Variants in RABL6 observed in about 807,000 individuals in gnomAD.
RABL6 encodes the protein rab-like protein 6.
RABL6 carries 28 observed loss-of-function variants against 72.9 expected under a neutral mutation model. The ratio of observed to expected loss-of-function variants is 0.38; its 90% CI spans 0.28 to 0.53. RABL6 has a LOEUF of 0.53. Ranked by LOEUF, RABL6 falls within the 20% of genes least tolerant of loss-of-function variation. RABL6 has a pLI of 0.80. For missense variants in RABL6, 1,029 were observed against 1,008.4 expected (o/e 1.02, Z -0.28); for synonymous variants, 477 against 421.2 (o/e 1.13, Z -1.62).
intron 9 of RABL6, 98 bp from the exon 10 acceptor site, chr9:136,837,764 C>T (rs754206607): frequency 5.2e-5 from 80 of 1,542,040 alleles, no homozygotes; most frequent in Non-Finnish European, 6.7e-5. Context: ...CCTGCTTGTC[C>T]CAGTCCCGTG....
intron 1 of RABL6, chr9:136,822,033 GAGA>G (rs1848248403): frequency 7.8e-6 from 10 of 1,289,624 alleles, no homozygotes; most frequent in African/African-American, 1.5e-5. Flanking sequence ...AGCTTCAGGG[GAGA>G]AGAAATGACT....
chr9:136,808,034 G>A lies in RABL6; in HGVS notation c.-163G>A, dbSNP rs1588340025. 9.5e-7 allele frequency: 1 copy of A among 1,053,040 alleles called. No homozygotes were observed. Among genetic ancestry groups the A allele is most frequent in the East Asian group, 7.4e-5 (1 of 13,548 alleles). 65.2% of individuals were successfully genotyped at this position (1,053,040 alleles called of 1,614,324 possible). On this transcript the variant is annotated 5_prime_UTR_variant, in exon 1 of 15. Coordinates refer to ENST00000311502, the MANE Select transcript of RABL6 (RefSeq NM_024718.5). ...CAGCCGCGGCTGAGGTTCCCGAGTCGCCGCTCGGGGCTGCGCTCCGCCGCC... is the reference window on the plus strand; with the variant it reads ...CAGCCGCGGCTGAGGTTCCCGAGTCACCGCTCGGGGCTGCGCTCCGCCGCC...
rs565750450 is a variant in RABL6 at position 136,822,155 on chromosome 9, C to T, written c.131-1370C>T. 6.7e-6 allele frequency: 8 copies of T among 1,194,742 alleles called. 1 individual carries two copies. The South Asian group carries it at 9.7e-5, about 14-fold the overall frequency. The allele number at this position is 1,194,742 out of a possible 1,614,324, so 74.0% of individuals were successfully genotyped here. Reference sequence around the variant, plus strand: ...CCTCAGAGCTTCGAGGCCGGGCGCCCTCTGCGTTGGGAGCTTGGGGTCCCC... The same window carrying T: ...CCTCAGAGCTTCGAGGCCGGGCGCCTTCTGCGTTGGGAGCTTGGGGTCCCC... On this transcript the variant is annotated intron_variant, in intron 1 of 14. Coordinates refer to ENST00000311502, the MANE Select transcript of RABL6 (RefSeq NM_024718.5).
intron 8 of RABL6, chr9:136,837,144 G>A (rs1332837832): frequency 2.8e-6 from 2 of 717,972 alleles, no homozygotes; most frequent in South Asian, 3.0e-5. Flanking sequence ...TACAGTGCTG[G>A]GATTACAGGC....
rs1332533485 is a variant in RABL6, at chr9:136,826,119, G to A, written c.313+293G>A. Among the ~76,000 whole-genome samples, 2 of 152,180 alleles carry A rather than the reference G, an allele frequency of 1.3e-5. No homozygotes were observed. Among genetic ancestry groups the A allele is most frequent in the Non-Finnish European group, 2.9e-5 (2 of 68,012 alleles). ...TGTGCTTTGAGCCCCAAGGCCCAGG[G>A]TGCTATTTTGGGAGCCCTCCTCCTG... On this transcript the variant is annotated intron_variant, in intron 3 of 14. Coordinates refer to ENST00000311502, the MANE Select transcript of RABL6 (RefSeq NM_024718.5). This position sits in a 1 kb window ranked among gnomAD's most constrained non-coding sequence, Gnocchi z 4.9.
chr9:136,817,382 T>C (rs952267409), intron 1 of RABL6, among the ~76,000 whole-genome samples: 1 of 152,108 alleles, frequency 6.6e-6, no homozygotes, highest in African/African-American at 2.4e-5. Flanking sequence ...CATTGGAAAT[T>C]TTCAAAACAT....
intron 1 of RABL6, chr9:136,809,626 A>G (rs1847960888): frequency 6.3e-6 from 1 of 158,586 alleles, no homozygotes; most frequent in African/African-American, 2.4e-5. Context: ...AATACGAAAA[A>G]AAAATTTAAA....
At position 136,832,328 on chromosome 9, in the gene RABL6, G is replaced by A. The variant is rs1466896079; in HGVS notation, c.663G>A (p.Lys221=). 11 of 1,613,818 alleles carry A rather than the reference G, an allele frequency of 6.8e-6. No individual in the cohort carries two copies. Among genetic ancestry groups the A allele is most frequent in the Non-Finnish European group, 9.3e-6 (11 of 1,179,846 alleles). ...ESSMKNSFGL[K]YLHKFFNIPF... is the part of the protein sequence containing the mutation. ...CCATGAAGAACAGCTTCGGCCTAAAGTACCTTCATAAGTTCTTCAATATCC... is the reference window on the plus strand; with the variant it reads ...CCATGAAGAACAGCTTCGGCCTAAAATACCTTCATAAGTTCTTCAATATCC... The change falls in exon 7 of 15, where the codon AAG becomes AAA. Residue 221 remains lysine (K), a synonymous_variant. Transcript: ENST00000311502.
chr9:136,839,009 C>G lies in RABL6; in HGVS notation c.1381C>G (p.Pro461Ala). ...PRGSPPLPAG[P>A]VPSQDITLSS... ...TGGGAGTCCCCCGCTGCCTGCAGGC[C>G]CCGTCCCCAGTCAAGACATCACTCT... is the stretch of plus-strand genomic sequence containing the variant. The change falls in exon 11 of 15, where the codon CCC becomes GCC. Residue 461 changes from proline to alanine, a missense_variant. Physicochemically the swap from Pro to Ala is conservative, Grantham distance 27. Coordinates refer to ENST00000311502, the MANE Select transcript of RABL6 (RefSeq NM_024718.5). The G allele has an allele frequency of 6.2e-7, 1 of 1,612,326 alleles. No homozygotes were observed. The highest frequency in any genetic ancestry group is 1.7e-4 in the Middle Eastern group (1 of 5,868).
Position 136,839,721 on chromosome 9 carries a change from TC to T in RABL6, c.1788del (p.Asp597MetfsTer2). The T allele has an allele frequency of 6.2e-7, 1 of 1,604,078 alleles. No individual in the cohort carries two copies. Among genetic ancestry groups the T allele is most frequent in the Non-Finnish European group, 8.5e-7 (1 of 1,174,382 alleles). On this transcript the variant is annotated frameshift_variant, in exon 13 of 15. Coordinates refer to ENST00000311502, the MANE Select transcript of RABL6 (RefSeq NM_024718.5). LOFTEE classifies it high-confidence loss of function. ...ADDFPVRDDP[S>X]DVTDEDEGPA... ...TGACTTTCCCGTGCGAGATGACCCC[TC>T]CGATGTGACTGACGAGGATGAGGGC...
intron 7 of RABL6, chr9:136,834,355 A>T: frequency 2.0e-6 from 2 of 997,866 alleles, no homozygotes; most frequent in Non-Finnish European, 2.4e-6. Flanking sequence ...CAGTCGTCAG[A>T]TATTTGGTCA....
At chr9:136,819,127 C>T (rs1021919003) in intron 1 of RABL6, among the ~76,000 whole-genome samples, 1 of 151,888 alleles carries the variant, frequency 6.6e-6, no homozygotes, top group Non-Finnish European at 1.5e-5. Flanking sequence ...TCGAGACCAT[C>T]CTGGCTAACA....
Position 136,829,480 on chromosome 9 carries a change from C to T in RABL6, c.454C>T (p.Gln152Ter). Residue 152 changes from glutamine (Q) to a stop codon, truncating the protein, a stop_gained, in exon 5 of 15, where the codon CAG (glutamine) becomes TAG (stop). Coordinates refer to ENST00000311502, the MANE Select transcript of RABL6 (RefSeq NM_024718.5). LOFTEE classifies it high-confidence loss of function. ...GVVMMFDITK[Q>*]WTFNYILREL... ...GGTCATGATGTTCGACATTACCAAG[C>T]AGTGGTAAGAGGGAGCTGGCGGGGG... 6.3e-7 allele frequency: 1 copy of T among 1,580,226 alleles called. No homozygotes were observed. The highest frequency in any genetic ancestry group is 8.6e-7 in the Non-Finnish European group (1 of 1,163,598).
chr9:136,823,388 C>G, intron 1 of RABL6, 137 bp from the exon 2 acceptor site: 3 of 1,217,518 alleles, frequency 2.5e-6, no homozygotes, highest in Non-Finnish European at 3.4e-6. Context: ...CCCTGCCTGC[C>G]GGTCACCTGG....
Position 136,839,454 on chromosome 9 carries a change from G to C in RABL6, c.1726G>C (p.Glu576Gln). Residue 576 changes from glutamate (E) to glutamine (Q), a missense_variant, in exon 12 of 15, where the codon GAG (glutamate) becomes CAG (glutamine). Physicochemically the swap from Glu to Gln is conservative, Grantham distance 29. Around this residue, in one of 2 missense-constraint regions of RABL6, gnomAD observed 595 missense variants for 472.4 expected, o/e 1.26. Transcript: ENST00000311502. ...CTTCGTCATGGATGACCCCGACTTTGAGAGCGAGGGATCAGACACACAGCG... is the reference window on the plus strand; with the variant it reads ...CTTCGTCATGGATGACCCCGACTTTCAGAGCGAGGGATCAGACACACAGCG... ...LSFVMDDPDF[E>Q]SEGSDTQRRA... 3.1e-6 allele frequency: 5 copies of C among 1,612,548 alleles called. No individual in the cohort carries two copies. Among genetic ancestry groups the C allele is most frequent in the Non-Finnish European group, 4.2e-6 (5 of 1,179,722 alleles).
At chr9:136,834,550 C>G (rs1848548703) in intron 7 of RABL6, 1 of 833,718 alleles carries the variant, frequency 1.2e-6, no homozygotes, top group African/African-American at 1.9e-5. Context: ...GCAATCTTGC[C>G]TCACTGTAAC....
intron 1 of RABL6, chr9:136,813,969 A>G (rs1236959530): frequency 5.2e-6 from 2 of 386,396 alleles, no homozygotes; most frequent in Non-Finnish European, 1.0e-5. Flanking sequence ...GGAGATTTGT[A>G]GCCAAAAGTA....
rs904323080 is a variant in RABL6, at chr9:136,826,095, G to A, written c.313+269G>A. Among the ~76,000 whole-genome samples the A allele has an allele frequency of 6.6e-6, 1 of 152,216 alleles. No individual in the cohort carries two copies. The highest frequency in any genetic ancestry group is 2.4e-5 in the African/African-American group (1 of 41,446). ...GTGGCGGCAGGTGCAGCCGGGGGGT[G>A]TGCTTTGAGCCCCAAGGCCCAGGGT... On this transcript the variant is annotated intron_variant, in intron 3 of 14. Coordinates refer to ENST00000311502, the MANE Select transcript of RABL6 (RefSeq NM_024718.5). The surrounding 1 kb of genome is among the most constrained non-coding windows in gnomAD (Gnocchi z 4.9).
At chr9:136,820,777 CAG>C (rs1355169096) in intron 1 of RABL6, among the ~76,000 whole-genome samples, 3 of 152,046 alleles carry the variant, frequency 2.0e-5, no homozygotes, top group Non-Finnish European at 4.4e-5. Context: ...AAAAAATAAA[CAG>C]AGGCTGAGTG....
Sources: gnomAD v4.1 joint callset for allele counts (sites outside exome capture counted in the v4.1 genomes callset) on GRCh38, gnomAD v4.1.1 for gene constraint, gnomAD v4.1.1 regional missense constraint, Gnocchi (gnomAD v3.1) non-coding constraint, MANE v1.5 for transcripts, NCBI Gene and HGNC (gene_info 2026-07-23, HGNC 2026-07-21) for gene names.